Variants in PRKCH observed in about 807,000 individuals in gnomAD.
The protein encoded by PRKCH is protein kinase C eta.
A neutral mutation model predicts 82.5 loss-of-function variants in PRKCH; 28 were observed. That is an observed-to-expected ratio of 0.34 (90% CI 0.25 to 0.47). PRKCH has a LOEUF of 0.47. Among genes scored for constraint, PRKCH ranks in the 20% least tolerant of loss-of-function variants. PRKCH has a pLI of 1.00. For missense variants in PRKCH, 705 were observed against 881.8 expected (o/e 0.80, Z 2.54); for synonymous variants, 322 against 327.4 (o/e 0.98, Z 0.18).
intron 13 of PRKCH, 78 bp from the exon 14 acceptor site, chr14:61,549,607 A>C (rs1202729970): frequency 2.7e-6 from 4 of 1,485,726 alleles, no homozygotes; most frequent in Non-Finnish European, 3.7e-6. Flanking sequence ...AACTCACTGG[A>C]ATGGGCTATA....
chr14:61,191,590 T>C (rs2044406959), intron 1 of PRKCH, among the ~76,000 whole-genome samples: 1 of 152,156 alleles, frequency 6.6e-6, no homozygotes, highest in Admixed American at 6.5e-5. Context: ...GGGGAATCTC[T>C]TGAAGCTGGG....
chr14:61,231,668 G>A lies in PRKCH; in HGVS notation c.-19+44000G>A, dbSNP rs114466028. ...ATTGCAGGTGTGAGCCACCGTGGCC[G>A]GCTGAATCTTTATTTTTCTTATTCC... On this transcript the variant is annotated intron_variant, in intron 1 of 3. Coordinates refer to the PRKCH transcript ENST00000555185. Among the ~76,000 whole-genome samples, 795 of 152,164 alleles carry A rather than the reference G, an allele frequency of 5.2e-3. 6 individuals are homozygous for A. The highest frequency in any genetic ancestry group is 0.018 in the African/African-American group (764 of 41,510).
intron 1 of PRKCH, among the ~76,000 whole-genome samples, chr14:61,231,799 G>C (rs1394168230): frequency 6.6e-6 from 1 of 151,916 alleles, no homozygotes; most frequent in Non-Finnish European, 1.5e-5. Context: ...AATCTGTTTA[G>C]ACGCACAAAA....
chr14:61,365,836 A>G (rs576865065), intron 1 of PRKCH, among the ~76,000 whole-genome samples: 1 of 152,238 alleles, frequency 6.6e-6, no homozygotes, highest in African/African-American at 2.4e-5. Flanking sequence ...CAGGGTTTAA[A>G]TAGCAAGGCA....
intron 2 of PRKCH, among the ~76,000 whole-genome samples, chr14:61,435,316 G>C (rs1883624389): frequency 6.6e-6 from 1 of 152,302 alleles, no homozygotes; most frequent in Non-Finnish European, 1.5e-5. Context: ...ATCCAAACAA[G>C]AACAGGTGGA....
intron 1 of PRKCH, among the ~76,000 whole-genome samples, chr14:61,210,921 G>C (rs546892004): frequency 9.9e-5 from 15 of 152,284 alleles, no homozygotes; most frequent in African/African-American, 3.4e-4. Context: ...ACATGCAATT[G>C]TGGGAGTGAG....
intron 1 of PRKCH, among the ~76,000 whole-genome samples, chr14:61,188,181 GC>G (rs1178055156): frequency 6.6e-6 from 1 of 152,172 alleles, no homozygotes; most frequent in Non-Finnish European, 1.5e-5. Context: ...CATTGGATGT[GC>G]CCCCGGGGCA....
At position 61,430,996 on chromosome 14, in the gene PRKCH, C is replaced by T. The variant is rs55664838; in HGVS notation, c.428-12115C>T. On this transcript the variant is annotated intron_variant, in intron 2 of 13. Transcript: ENST00000332981. Reference sequence around the variant, plus strand: ...GTCTGGATCTCCTGACCTCGCGATCCGCCCGCCTCGGCCTCCCAAAATGCT... The same window carrying T: ...GTCTGGATCTCCTGACCTCGCGATCTGCCCGCCTCGGCCTCCCAAAATGCT... Among the ~76,000 whole-genome samples the T allele has an allele frequency of 2.3e-3, 357 of 152,294 alleles. 1 individual carries two copies. The highest frequency in any genetic ancestry group is 7.2e-3 in the African/African-American group (300 of 41,566).
chr14:61,403,855 A>C (rs1269963678), intron 2 of PRKCH, among the ~76,000 whole-genome samples: 1 of 152,142 alleles, frequency 6.6e-6, no homozygotes, highest in Non-Finnish European at 1.5e-5. Flanking sequence ...TTTCCTTGAA[A>C]TTATAGTGAT....
At chr14:61,447,346 A>T (rs78789584) in intron 4 of PRKCH, among the ~76,000 whole-genome samples, 1 of 152,250 alleles carries the variant, frequency 6.6e-6, no homozygotes, top group Non-Finnish European at 1.5e-5. Context: ...ATCCACTTCT[A>T]TAGTTGGAGA....
chr14:61,240,976 T>G (rs1333168424), intron 1 of PRKCH, among the ~76,000 whole-genome samples: 2 of 148,008 alleles, frequency 1.4e-5, no homozygotes, highest in Middle Eastern at 3.2e-3. Flanking sequence ...TCTGACACTA[T>G]GTACCTGGAG....
chr14:61,463,018 C>T (rs1394503791), intron 9 of PRKCH: 2 of 152,240 alleles, frequency 1.3e-5, no homozygotes, highest in South Asian at 2.1e-4. Flanking sequence ...TCCTATCTGT[C>T]TTGGCTCCCC....
At chr14:61,253,534 G>T (rs1401668744) in intron 1 of PRKCH, among the ~76,000 whole-genome samples, 1 of 152,164 alleles carries the variant, frequency 6.6e-6, no homozygotes, top group African/African-American at 2.4e-5. Flanking sequence ...CAGGGAGAGT[G>T]AGTGCTTTTG....
At chr14:61,440,925 CT>C (rs71117817) in intron 2 of PRKCH, among the ~76,000 whole-genome samples, 10 of 147,432 alleles carry the variant, frequency 6.8e-5, no homozygotes, top group Admixed American at 2.0e-4. Context: ...CATTTTTTTT[CT>C]TTTTTTTTTG....
At chr14:61,251,504 C>G (rs1447158903) in intron 1 of PRKCH, among the ~76,000 whole-genome samples, 1 of 152,166 alleles carries the variant, frequency 6.6e-6, no homozygotes, top group Admixed American at 6.5e-5. Context: ...ACCTACTGTT[C>G]CATTCATGTT....
At chr14:61,453,014 A>G (rs547074003) in intron 6 of PRKCH, 1 of 592,386 alleles carries the variant, frequency 1.7e-6, no homozygotes, top group African/African-American at 1.9e-5. Context: ...ATTATTCTTT[A>G]GTATGCTTGC....
intron 1 of PRKCH, among the ~76,000 whole-genome samples, chr14:61,343,338 T>A (rs183153951): frequency 3.0e-4 from 29 of 97,596 alleles, no homozygotes; most frequent in African/African-American, 1.0e-3. Flanking sequence ...AGAGAAATAA[T>A]GACCAGTTCC....
intron 2 of PRKCH, among the ~76,000 whole-genome samples, chr14:61,396,423 C>G (rs2046784423): frequency 6.6e-6 from 1 of 152,128 alleles, no homozygotes; most frequent in Non-Finnish European, 1.5e-5. Context: ...GAAAAACCTG[C>G]TGGGTGCAGA....
intron 1 of PRKCH, among the ~76,000 whole-genome samples, chr14:61,230,880 T>C (rs908849586): frequency 1.3e-5 from 2 of 152,238 alleles, no homozygotes; most frequent in African/African-American, 4.8e-5. Flanking sequence ...AATTACTTAG[T>C]ATGGTTGATC....
Sources: gnomAD v4.1 joint callset for allele counts (sites outside exome capture counted in the v4.1 genomes callset) on GRCh38, gnomAD v4.1.1 for gene constraint, MANE v1.5 for transcripts, NCBI Gene and HGNC (gene_info 2026-07-23, HGNC 2026-07-21) for gene names.